GIGYF1: variants seen among roughly 807,000 people sequenced by gnomAD.
GIGYF1 encodes GRB10 interacting GYF protein 1.
In GIGYF1, 84 loss-of-function variants were observed where a neutral mutation model predicts 147.1. The observed-to-expected ratio is 0.57, with a 90% CI of 0.48 to 0.68. The LOEUF is 0.68. GIGYF1 is among the 30% of genes least tolerant of loss of function. The pLI is 0.00. For synonymous variants in GIGYF1, 752 were observed against 589.5 expected (o/e 1.28, Z -3.99); for missense variants, 1,485 against 1,393.7 (o/e 1.07, Z -1.04).
chr7:100,685,398 C>A lies in GIGYF1; in HGVS notation c.1138G>T (p.Gly380Trp). 1 of 1,592,092 alleles carries A rather than the reference C, an allele frequency of 6.3e-7. No homozygotes were observed. Among genetic ancestry groups the A allele is most frequent in the Non-Finnish European group, 8.5e-7 (1 of 1,174,730 alleles). Residue 380 changes from glycine to tryptophan, a missense_variant, in exon 13 of 27, where the codon GGG becomes TGG. Transcript: ENST00000678049. ...SPLPTLGPLW[G>W]TNGDGDETAE... The stretch of plus-strand genomic sequence containing the variant: ...GTTTCGTCCCCATCCCCGTTTGTCC[C>A]CCAGAGTGGGCCCAGGGTGGGCAGT...
rs1394763761 is a variant in GIGYF1 at position 100,686,370 on chromosome 7, T to C, written c.758A>G (p.Asp253Gly). The change falls in exon 11 of 27, where the codon GAT (aspartate) becomes GGT (glycine). Residue 253 changes from aspartate (D) to glycine (G), a missense_variant. By Grantham distance (94) the Asp-to-Gly change is moderately conservative. Coordinates refer to ENST00000678049, the MANE Select transcript of GIGYF1 (RefSeq NM_001375765.1). ...HGERRRKFEF[D>G]LRGDRGGCGE... ...ACACCCTCCTCGATCCCCTCGCAAATCAAATTCAAACTTGCGCCGCCGTTC... is the reference window on the plus strand; with the variant it reads ...ACACCCTCCTCGATCCCCTCGCAAACCAAATTCAAACTTGCGCCGCCGTTC... 1 of 1,557,776 alleles carries C rather than the reference T, an allele frequency of 6.4e-7. No homozygotes were observed. The highest frequency in any genetic ancestry group is 1.1e-5 in the South Asian group (1 of 90,032).
At position 100,681,982 on chromosome 7, in the gene GIGYF1, C is replaced by G; in HGVS notation, c.2937G>C (p.Leu979=). The part of the protein sequence containing the change: ...QQRQQQQEAW[L]SSASLQTAFQ... ...AGGCCGTCTGCAGCGAGGCGCTGCT[C>G]AGCCATGCCTCCTAAGGCAGCGGAG... Residue 979 remains leucine (L), a synonymous_variant, in exon 26 of 27, where the codon CTG becomes CTC. Transcript: ENST00000678049. The G allele has an allele frequency of 6.2e-7, 1 of 1,609,160 alleles. No homozygotes were observed.
In GIGYF1 at chr7:100,682,225, A is replaced by T. The variant is rs1325976469; in HGVS notation, c.2772T>A (p.Ala924=). ...ATTCCACCTCCTTGAGGATCGCTACAGCCATGGGCACTGCAGGATGAGCGA... is the reference window on the plus strand; with the variant it reads ...ATTCCACCTCCTTGAGGATCGCTACTGCCATGGGCACTGCAGGATGAGCGA... The part of the protein sequence containing the change: ...SATGSLDVPM[A]VAILKEVESP... The change falls in exon 25 of 27, where the codon GCT becomes GCA. Residue 924 remains alanine (A), a synonymous_variant. Coordinates refer to ENST00000678049, the MANE Select transcript of GIGYF1 (RefSeq NM_001375765.1). 1.9e-6 allele frequency: 3 copies of T among 1,612,022 alleles called. No homozygotes were observed. Among genetic ancestry groups the T allele is most frequent in the Non-Finnish European group, 2.5e-6 (3 of 1,179,772 alleles).
At chr7:100,690,736 T>G (rs1467111170) in intron 1 of GIGYF1, among the ~76,000 whole-genome samples, 1 of 143,756 alleles carries the variant, frequency 7.0e-6, no homozygotes, top group Non-Finnish European at 1.5e-5. Flanking sequence ...GAGCTGAGAT[T>G]GCGCCCCTGC....
chr7:100,682,710 C>T lies in GIGYF1; in HGVS notation c.2480G>A (p.Gly827Glu). 1 of 1,585,260 alleles carries T rather than the reference C, an allele frequency of 6.3e-7. No homozygotes were observed. The highest frequency in any genetic ancestry group is 2.2e-5 in the East Asian group (1 of 44,662). ...WVSEAGPLWGGPDKSGGGSSG... is the reference protein window; with the variant it reads ...WVSEAGPLWGEPDKSGGGSSG... ...GCTGCCGCCCCCACTCTTGTCTGGC[C>T]CGCCCCACAGTGGCCCAGCCTCAGA... is the stretch of plus-strand genomic sequence containing the variant. The change falls in exon 23 of 27, where the codon GGG (glycine) becomes GAG (glutamate). Residue 827 changes from glycine (G) to glutamate (E), a missense_variant. By Grantham distance (98) the Gly-to-Glu change is moderately conservative. Transcript: ENST00000678049.
rs756351073 is a variant in GIGYF1, at chr7:100,683,243, C to CA, written c.2194-14dup. Reference sequence around the variant, plus strand: ...CCTGCTGCCGCACCTAAGAGGGGGACATGGTGAGGGGACCTGGCGAGGGTT... The same window carrying CA: ...CCTGCTGCCGCACCTAAGAGGGGGACAATGGTGAGGGGACCTGGCGAGGGTT... On this transcript the variant is annotated splice_polypyrimidine_tract_variant and intron_variant, in intron 21 of 26. Coordinates refer to ENST00000678049, the MANE Select transcript of GIGYF1 (RefSeq NM_001375765.1). 1 of 1,612,910 alleles carries CA rather than the reference C, an allele frequency of 6.2e-7. No individual in the cohort carries two copies. The highest frequency in any genetic ancestry group is 8.5e-7 in the Non-Finnish European group (1 of 1,179,902).
chr7:100,686,141 CG>C (rs1562878810), intron 11 of GIGYF1, 38 bp downstream of exon 11: 1 of 1,600,138 alleles, frequency 6.2e-7, no homozygotes, highest in South Asian at 1.1e-5. Context: ...AAGAGGACCC[CG>C]GAAGGGCAGG....
rs755615117 is a variant in GIGYF1 at position 100,688,127 on chromosome 7, GAGA to G, written c.36-20_36-18del. ...GCCCTGAGCCTGGACACAACACAGA[GAGA>G]AGAAGACAGAGGTCAGGGCAGCCTG... On this transcript the variant is annotated intron_variant, in intron 4 of 26. Transcript: ENST00000678049. 108 of 1,605,830 alleles carry G rather than the reference GAGA, an allele frequency of 6.7e-5. No homozygotes were observed. Among genetic ancestry groups the G allele is most frequent in the African/African-American group, 2.0e-4 (15 of 74,834 alleles).
At chr7:100,692,964 C>G (rs1162876982) in intron 1 of GIGYF1, among the ~76,000 whole-genome samples, 1 of 152,132 alleles carries the variant, frequency 6.6e-6, no homozygotes, top group Non-Finnish European at 1.5e-5. Context: ...AGGAGAGACC[C>G]TTACTGGTAC....
intron 1 of GIGYF1, among the ~76,000 whole-genome samples, chr7:100,690,405 G>T (rs1419733128): frequency 6.6e-6 from 1 of 152,196 alleles, no homozygotes; most frequent in Non-Finnish European, 1.5e-5. Context: ...CACTGTGGGA[G>T]GCTTGAAGAG....
Position 100,683,638 on chromosome 7 carries a change from G to A in GIGYF1, c.1970-6C>T, listed in dbSNP as rs369017552. 2.6e-5 allele frequency: 42 copies of A among 1,613,178 alleles called. No homozygotes were observed. Among genetic ancestry groups the A allele is most frequent in the Non-Finnish European group, 3.1e-5 (37 of 1,179,178 alleles). On this transcript the variant is annotated splice_polypyrimidine_tract_variant and splice_region_variant and intron_variant, in intron 19 of 26. Coordinates refer to ENST00000678049, the MANE Select transcript of GIGYF1 (RefSeq NM_001375765.1). Reference sequence around the variant, plus strand: ...CCAAAGACTGGCCTCACCACCTGCAGGGGGCAGGGGGGCAGAGGCGGCTGC... The same window carrying A: ...CCAAAGACTGGCCTCACCACCTGCAAGGGGCAGGGGGGCAGAGGCGGCTGC...
chr7:100,683,592 C>G lies in GIGYF1; in HGVS notation c.2010G>C (p.Ser670=), dbSNP rs1805009617. Residue 670 remains serine, a synonymous_variant, in exon 20 of 27, where the codon TCG becomes TCC. Coordinates refer to ENST00000678049, the MANE Select transcript of GIGYF1 (RefSeq NM_001375765.1). The part of the protein sequence containing the change: ...ASLWDIPINS[S]TQGPILEQLQ... ...GTTGTTCTAGAATTGGACCCTGAGTCGAAGAGTTAATTGGTATGTCCCAAA... is the reference window on the plus strand; with the variant it reads ...GTTGTTCTAGAATTGGACCCTGAGTGGAAGAGTTAATTGGTATGTCCCAAA... 6.2e-7 allele frequency: 1 copy of G among 1,614,178 alleles called. No homozygotes were observed. Among genetic ancestry groups the G allele is most frequent in the Non-Finnish European group, 8.5e-7 (1 of 1,180,016 alleles).
chr7:100,687,935 A>G (rs1293914995), intron 5 of GIGYF1, 46 bp downstream of exon 5: 5 of 1,611,178 alleles, frequency 3.1e-6, no homozygotes, highest in African/African-American at 1.3e-5. Flanking sequence ...GATCCCCTCC[A>G]CAGGCAGAGG....
In GIGYF1 at chr7:100,682,599, G is replaced by A. The variant is rs981741266; in HGVS notation, c.2591C>T (p.Pro864Leu). ...GLGLKNSRSS[P>L]SLSDSYSHLS... ...CAGGTGCCACGCCCACCTGAGAGAT[G>A]GGCTGCTCCGGCTGTTCTTCAGGCC... is the stretch of plus-strand genomic sequence containing the variant. The change falls in exon 23 of 27, where the codon CCA (proline) becomes CTA (leucine). Residue 864 changes from proline (P) to leucine (L), a missense_variant. Coordinates refer to ENST00000678049, the MANE Select transcript of GIGYF1 (RefSeq NM_001375765.1). 6.3e-7 allele frequency: 1 copy of A among 1,596,996 alleles called. No homozygotes were observed. The highest frequency in any genetic ancestry group is 1.1e-5 in the South Asian group (1 of 89,706).
At chr7:100,693,572 T>C (rs1805990864) in intron 1 of GIGYF1, among the ~76,000 whole-genome samples, 1 of 152,134 alleles carries the variant, frequency 6.6e-6, no homozygotes, top group African/African-American at 2.4e-5. Flanking sequence ...GTGGAACGCT[T>C]GGACCTGGGG....
intron 19 of GIGYF1, 52 bp from the exon 20 acceptor site, chr7:100,683,684 T>C (rs761675553): frequency 6.4e-7 from 1 of 1,568,632 alleles, no homozygotes; most frequent in Admixed American, 1.7e-5. Flanking sequence ...TTGGGCCCAC[T>C]GATCTAGTCC....
rs748728749 is a variant in GIGYF1, at chr7:100,684,534, A to G, written c.1545T>C (p.Asp515=). Reference sequence around the variant, plus strand: ...CCTCGCCCAGCGGCTGGAAGCCCTCATCGCAGCCCCGCTTCACCAGCAGTG... The same window carrying G: ...CCTCGCCCAGCGGCTGGAAGCCCTCGTCGCAGCCCCGCTTCACCAGCAGTG... ...SMSLLVKRGC[D]EGFQPLGEVI... The change falls in exon 16 of 27, where the codon GAT becomes GAC. Residue 515 remains aspartate, a synonymous_variant. Coordinates refer to ENST00000678049, the MANE Select transcript of GIGYF1 (RefSeq NM_001375765.1). 7 of 1,613,950 alleles carry G rather than the reference A, an allele frequency of 4.3e-6. No individual in the cohort carries two copies. Among genetic ancestry groups the G allele is most frequent in the Admixed American group, 1.7e-5 (1 of 60,010 alleles).
At position 100,680,659 on chromosome 7, in the gene GIGYF1, G is replaced by A. The variant is rs221790; in HGVS notation, c.*1060C>T. The A allele has an allele frequency of 1.3e-5, 2 of 152,382 alleles. No individual in the cohort carries two copies. The highest frequency in any genetic ancestry group is 4.8e-5 in the African/African-American group (2 of 41,414). 9.4% of individuals were successfully genotyped at this position (152,382 alleles called of 1,614,324 possible). A position where few individuals can be genotyped will look rare whatever the true frequency, so the allele number is the denominator to read the frequency against. ...GGCCCCGGGCGGCAGCCCCTCTACT[G>A]CAACCCTAAGCCCAAAGCCACCCAC... On this transcript the variant is annotated 3_prime_UTR_variant, in exon 27 of 27. Transcript: ENST00000678049.
intron 1 of GIGYF1, 66 bp downstream of exon 1, chr7:100,694,044 G>T (rs892859657): frequency 1.4e-5 from 2 of 145,640 alleles, no homozygotes; most frequent in Non-Finnish European, 3.1e-5. Context: ...CCGCCGCGGC[G>T]TCGGGGGCGG....
Sources: allele counts gnomAD v4.1 joint callset (sites outside exome capture counted in the v4.1 genomes callset), GRCh38; gene constraint gnomAD v4.1.1; transcripts MANE v1.5; gene names NCBI Gene and HGNC (gene_info 2026-07-23, HGNC 2026-07-21).